GALC: variants seen among roughly 807,000 people sequenced by gnomAD.
GALC encodes galactocerebrosidase.
A neutral mutation model predicts 91.8 loss-of-function variants in GALC; 77 were observed. The ratio of observed to expected loss-of-function variants is 0.84; its 90% CI spans 0.70 to 1.01. GALC has a LOEUF of 1.01. Among genes scored for constraint, GALC ranks in the 50% least tolerant of loss-of-function variants. GALC has a pLI of 0.00. For missense variants in GALC, 882 were observed against 855.9 expected, an observed-to-expected ratio of 1.03 and a Z score of -0.38; for synonymous variants, 357 against 306.7, an observed-to-expected ratio of 1.16 and a Z score of -1.71.
At position 87,934,851 on chromosome 14, in the gene GALC, C is replaced by CA; in HGVS notation, c.1938dup (p.Asp647Ter). 1 of 1,612,626 alleles carries CA rather than the reference C, an allele frequency of 6.2e-7. No individual in the cohort carries two copies. Among genetic ancestry groups the CA allele is most frequent in the Non-Finnish European group, 8.5e-7 (1 of 1,178,958 alleles). On this transcript the variant is annotated frameshift_variant, in exon 17 of 17. Coordinates refer to ENST00000261304, the MANE Select transcript of GALC (RefSeq NM_000153.4). LOFTEE classifies it high-confidence loss of function. ...GGGATGTCTGTCCACAGAGACTTGT[C>CA]ATTCAGCATGCCAGAGGTGAAATGA...
Position 87,941,386 on chromosome 14 carries a change from GTC to G in GALC, c.1834+7_1834+8del. Reference sequence around the variant, plus strand: ...TCATATGCTATTAAAAAAAAAAAAAGTCAGTTACCTAAATCACCTGTAACCCT... The same window carrying G: ...TCATATGCTATTAAAAAAAAAAAAAGAGTTACCTAAATCACCTGTAACCCT... On this transcript the variant is annotated splice_region_variant and intron_variant, in intron 15 of 16. Coordinates refer to ENST00000261304, the MANE Select transcript of GALC (RefSeq NM_000153.4). 6.7e-7 allele frequency: 1 copy of G among 1,492,038 alleles called. No individual in the cohort carries two copies. Among genetic ancestry groups the G allele is most frequent in the African/African-American group, 1.5e-5 (1 of 66,022 alleles). 92.4% of individuals were successfully genotyped at this position (1,492,038 alleles called of 1,614,324 possible). A position where few individuals can be genotyped will look rare whatever the true frequency, so the allele number is the denominator to read the frequency against.
At chr14:87,940,597 G>A (rs3911142) in intron 15 of GALC, among the ~76,000 whole-genome samples, 145,459 of 151,966 alleles carry the variant, frequency 0.96, 69,908 homozygotes, top group Non-Finnish European at 1. Context: ...TTCGATTTCA[G>A]TATCACTGAG....
intron 1 of GALC, chr14:87,992,374 C>G: frequency 6.5e-7 from 1 of 1,535,728 alleles, no homozygotes; most frequent in Non-Finnish European, 8.7e-7. Flanking sequence ...GCTCGCTTAT[C>G]TTCCTTTTAA....
rs1057516453 is a variant in GALC at position 87,939,926 on chromosome 14, A to G, written c.1890T>C (p.Tyr630=). Residue 630 remains tyrosine (Y), a synonymous_variant, in exon 16 of 17, where the codon TAT becomes TAC. Coordinates refer to ENST00000261304, the MANE Select transcript of GALC (RefSeq NM_000153.4). The stretch of plus-strand genomic sequence containing the variant: ...TTACCTTAATAGTTAACGTGAGTGT[A>G]TACCATTTTTTTGCTGTAACTTCAA... The part of the protein sequence containing the change: ...GRVEVTAKKW[Y]TLTLTIKGHF... 4 of 1,610,080 alleles carry G rather than the reference A, an allele frequency of 2.5e-6. No individual in the cohort carries two copies. The highest frequency in any genetic ancestry group is 3.4e-6 in the Non-Finnish European group (4 of 1,176,878).
At chr14:87,965,469 A>G (rs1260806146) in intron 9 of GALC, 36 bp downstream of exon 9, 13 of 1,609,884 alleles carry the variant, frequency 8.1e-6, no homozygotes, top group Non-Finnish European at 1.1e-5. Context: ...CTCTTAGAGA[A>G]GAATTTAGGG....
chr14:87,986,004 T>C (rs966083552), intron 4 of GALC, among the ~76,000 whole-genome samples: 2 of 152,218 alleles, frequency 1.3e-5, no homozygotes, highest in African/African-American at 2.4e-5. Context: ...GTATGTACCT[T>C]TTCTAAAAAT....
At chr14:87,986,821 TTAA>T (rs1188370153) in intron 3 of GALC, 3 of 561,668 alleles carry the variant, frequency 5.3e-6, no homozygotes, top group African/African-American at 3.8e-5. Flanking sequence ...TGTAAAAGTC[TTAA>T]TAAAACCACA....
chr14:87,992,932 T>C, intron 1 of GALC, 38 bp downstream of exon 1: 2 of 1,495,382 alleles, frequency 1.3e-6, no homozygotes, highest in Admixed American at 2.1e-5. Context: ...GGGCGGGCTC[T>C]TGCCGCCCCC....
chr14:87,984,254 T>G (rs1412852843), intron 5 of GALC, 140 bp downstream of exon 5: 4 of 786,400 alleles, frequency 5.1e-6, no homozygotes, highest in Non-Finnish European at 6.1e-6. Flanking sequence ...GTACTTAGTT[T>G]GTGTTATTAT....
chr14:87,980,206 C>T (rs994952537), intron 6 of GALC, among the ~76,000 whole-genome samples: 1 of 152,068 alleles, frequency 6.6e-6, no homozygotes, highest in African/African-American at 2.4e-5. Flanking sequence ...GATGGTGAAT[C>T]CCCGTCTCTA....
At chr14:87,938,355 T>C (rs545260624) in intron 16 of GALC, among the ~76,000 whole-genome samples, 10 of 152,112 alleles carry the variant, frequency 6.6e-5, no homozygotes, top group African/African-American at 1.7e-4. Flanking sequence ...GGCGCTGTTT[T>C]CTATCAGGTG....
At chr14:87,990,484 C>T (rs1252234545) in intron 1 of GALC, among the ~76,000 whole-genome samples, 7 of 152,174 alleles carry the variant, frequency 4.6e-5, no homozygotes, top group Non-Finnish European at 8.8e-5. Flanking sequence ...GTGTTATATA[C>T]ACAAATTTTT....
intron 5 of GALC, among the ~76,000 whole-genome samples, chr14:87,982,826 C>T (rs940931129): frequency 3.3e-5 from 5 of 152,160 alleles, no homozygotes; most frequent in African/African-American, 1.2e-4. Context: ...GTTGAGAAAA[C>T]TGTTAATAAC....
intron 15 of GALC, among the ~76,000 whole-genome samples, chr14:87,940,699 A>G (rs1884797285): frequency 6.6e-6 from 1 of 151,888 alleles, no homozygotes; most frequent in African/African-American, 2.4e-5. Flanking sequence ...TTATTTATGG[A>G]GTCAAAGCAA....
At chr14:87,977,327 C>A (rs1886542199) in intron 6 of GALC, among the ~76,000 whole-genome samples, 1 of 152,090 alleles carries the variant, frequency 6.6e-6, no homozygotes, top group Non-Finnish European at 1.5e-5. Context: ...AAACAAAGCA[C>A]AAACAGTACC....
upstream of GALC, chr14:87,993,374 T>C (rs1887323693): frequency 6.5e-7 from 1 of 1,535,768 alleles, no homozygotes; most frequent in Non-Finnish European, 8.7e-7. Context: ...GGATTTCACA[T>C]GTACTTACTG....
intron 5 of GALC, among the ~76,000 whole-genome samples, chr14:87,982,624 C>T (rs373105341): frequency 5.3e-5 from 8 of 152,176 alleles, no homozygotes; most frequent in African/African-American, 1.4e-4. Context: ...GACAAGATCC[C>T]TGAAAGCCAA....
intron 9 of GALC, 34 bp downstream of exon 9, chr14:87,965,471 A>T: frequency 1.9e-6 from 3 of 1,610,594 alleles, no homozygotes; most frequent in Non-Finnish European, 2.5e-6. Flanking sequence ...CTTAGAGAAG[A>T]ATTTAGGGAG....
At chr14:87,950,081 T>A (rs909730878) in intron 11 of GALC, 150 bp from the exon 12 acceptor site, 6 of 508,086 alleles carry the variant, frequency 1.2e-5, no homozygotes, top group African/African-American at 2.0e-5. Context: ...ATAATATTTT[T>A]AAAAATAGGA....
Sources: allele counts gnomAD v4.1 joint callset (sites outside exome capture counted in the v4.1 genomes callset), GRCh38; gene constraint gnomAD v4.1.1; transcripts MANE v1.5; gene names NCBI Gene and HGNC (gene_info 2026-07-23, HGNC 2026-07-21).